The following ZNF577 variants were observed in gnomAD, a reference collection of about 807,000 sequenced individuals.
ZNF577 encodes zinc finger protein 577.
Under a neutral mutation model 13.9 loss-of-function variants are expected in ZNF577, and 14 were observed. The ratio of observed to expected loss-of-function variants is 1.00; its 90% CI spans 0.66 to 1.57. The LOEUF is 1.57. Ranked by LOEUF, ZNF577 falls within the 40% of genes most tolerant of loss-of-function variation. The pLI is 0.00. For synonymous variants in ZNF577, 203 were observed against 202.9 expected (o/e 1.00, Z 0.00); for missense variants, 555 against 579.2 (o/e 0.96, Z 0.43).
intron 8 of ZNF577, among the ~76,000 whole-genome samples, chr19:51,841,390 C>T (rs980725291): frequency 6.6e-6 from 1 of 152,150 alleles, no homozygotes; most frequent in African/African-American, 2.4e-5. Context: ...ACAGAAATTT[C>T]GCTGCTGAGG....
At chr19:51,820,553 T>A (rs2084180827) in intron 9 of ZNF577, among the ~76,000 whole-genome samples, 1 of 152,226 alleles carries the variant, frequency 6.6e-6, no homozygotes, top group Non-Finnish European at 1.5e-5. Flanking sequence ...TGTCCCCACC[T>A]GTCACTGCAC....
chr19:51,845,841 A>G (rs947777763), intron 5 of ZNF577, among the ~76,000 whole-genome samples: 1 of 152,160 alleles, frequency 6.6e-6, no homozygotes, highest in African/African-American at 2.4e-5. Flanking sequence ...TCCATTGTGT[A>G]TATATGCCAC....
At chr19:51,883,470 G>A (rs16983200) in intron 1 of ZNF577, among the ~76,000 whole-genome samples, 32,693 of 151,750 alleles carry the variant, frequency 0.22, 4,244 homozygotes, top group South Asian at 0.41. Flanking sequence ...CCAACTCCCA[G>A]TTTTTCCTTT....
In ZNF577 at chr19:51,872,461, T is replaced by G; in HGVS notation, c.*71A>C. On this transcript the variant is annotated 3_prime_UTR_variant, in exon 6 of 6. Transcript: ENST00000638348. ...GCCTCCACAGTGTTTCAGCCCTAAA[T>G]GAGCTCTCTGGGATATAATGGCTGG... 1.1e-3 allele frequency: 1,412 copies of G among 1,276,624 alleles called. No individual in the cohort carries two copies. Among genetic ancestry groups the G allele is most frequent in the Non-Finnish European group, 1.4e-3 (1,286 of 948,682 alleles). 79.1% of individuals were successfully genotyped at this position (1,276,624 alleles called of 1,614,324 possible). A position where few individuals can be genotyped will look rare whatever the true frequency, so the allele number is the denominator to read the frequency against.
intron 5 of ZNF577, among the ~76,000 whole-genome samples, chr19:51,851,369 C>A (rs1434734431): frequency 6.6e-6 from 1 of 152,138 alleles, no homozygotes; most frequent in Non-Finnish European, 1.5e-5. Flanking sequence ...ATTAATCTTA[C>A]TTTCAAATAG....
intron 5 of ZNF577, among the ~76,000 whole-genome samples, chr19:51,847,994 G>A (rs778256063): frequency 7.2e-4 from 109 of 152,138 alleles, no homozygotes; most frequent in Non-Finnish European, 1.3e-3. Context: ...ATATGGTCGC[G>A]CCCAAGCCCT....
At chr19:51,854,842 G>A (rs1034575059) in intron 5 of ZNF577, among the ~76,000 whole-genome samples, 1 of 151,480 alleles carries the variant, frequency 6.6e-6, no homozygotes, top group Non-Finnish European at 1.5e-5. Context: ...CTTTTTTTCT[G>A]TTTCACTTCT....
At chr19:51,828,911 T>C (rs1475062729) in intron 9 of ZNF577, among the ~76,000 whole-genome samples, 1 of 152,154 alleles carries the variant, frequency 6.6e-6, no homozygotes, top group African/African-American at 2.4e-5. Flanking sequence ...GCAGGTTTCA[T>C]TGTAATGAGG....
At chr19:51,873,975 G>T (rs1490934256) in intron 5 of ZNF577, among the ~76,000 whole-genome samples, 1 of 152,032 alleles carries the variant, frequency 6.6e-6, no homozygotes, top group Non-Finnish European at 1.5e-5. Flanking sequence ...GTTTTGGCTG[G>T]CTTTTATAAG....
At chr19:51,821,364 T>C (rs1318801927) in intron 9 of ZNF577, among the ~76,000 whole-genome samples, 1 of 152,122 alleles carries the variant, frequency 6.6e-6, no homozygotes, top group Non-Finnish European at 1.5e-5. Flanking sequence ...CCTTTGACAA[T>C]GTCTATAGAC....
At chr19:51,852,529 T>A (rs960492179) in intron 5 of ZNF577, among the ~76,000 whole-genome samples, 1 of 152,180 alleles carries the variant, frequency 6.6e-6, no homozygotes, top group Non-Finnish European at 1.5e-5. Context: ...ATTTTGAGGT[T>A]TATAGAGCAA....
intron 5 of ZNF577, among the ~76,000 whole-genome samples, chr19:51,847,202 G>C (rs898551354): frequency 6.6e-6 from 1 of 152,080 alleles, no homozygotes; most frequent in African/African-American, 2.4e-5. Context: ...GGTTGTACAG[G>C]TTATCATATT....
intron 9 of ZNF577, chr19:51,825,893 AGT>A (rs1599843452): frequency 1.2e-5 from 2 of 167,228 alleles, no homozygotes; most frequent in East Asian, 3.9e-4. Context: ...TAGATGAGAT[AGT>A]GTTTTTTTAG....
chr19:51,823,529 G>A (rs2084206190), intron 9 of ZNF577, among the ~76,000 whole-genome samples: 1 of 152,124 alleles, frequency 6.6e-6, no homozygotes. Context: ...AGCTTGATAG[G>A]TGGCATGCAT....
chr19:51,836,389 T>C (rs1422499316), intron 9 of ZNF577, among the ~76,000 whole-genome samples: 2 of 152,268 alleles, frequency 1.3e-5, no homozygotes, highest in African/African-American at 4.8e-5. Context: ...TTTACACTTT[T>C]TGAAATAGAT....
At chr19:51,832,278 G>A (rs1178769204) in intron 9 of ZNF577, among the ~76,000 whole-genome samples, 2 of 152,142 alleles carry the variant, frequency 1.3e-5, no homozygotes, top group Non-Finnish European at 2.9e-5. Context: ...AAAAGATACA[G>A]AGCAATGTGA....
At chr19:51,829,921 C>A (rs367602167) in intron 9 of ZNF577, among the ~76,000 whole-genome samples, 1 of 152,174 alleles carries the variant, frequency 6.6e-6, no homozygotes, top group Admixed American at 6.5e-5. Context: ...CAACTGCCCA[C>A]AAGGCCAGTG....
At position 51,852,933 on chromosome 19, in the gene ZNF577, C is replaced by CT. The variant is rs112665914; in HGVS notation, c.284-8003dup. On this transcript the variant is annotated intron_variant and NMD_transcript_variant, in intron 5 of 10. Transcript: ENST00000638827. ...GCTCTTTAAAAGACAGTTTTCTTTTCTTTTTTTTTTTCTTTGAGACAGGGT... is the reference window on the plus strand; with the variant it reads ...GCTCTTTAAAAGACAGTTTTCTTTTCTTTTTTTTTTTTCTTTGAGACAGGGT... Among the ~76,000 whole-genome samples, 521 of 143,984 alleles carry CT rather than the reference C, an allele frequency of 3.6e-3. 4 individuals carry two copies. The highest frequency in any genetic ancestry group is 9.9e-3 in the African/African-American group (384 of 38,618). 94.5% of individuals were successfully genotyped at this position (143,984 alleles called of 152,430 possible). A position where few individuals can be genotyped will look rare whatever the true frequency, so the allele number is the denominator to read the frequency against.
intron 9 of ZNF577, among the ~76,000 whole-genome samples, chr19:51,820,654 T>TA (rs2084181606): frequency 6.6e-6 from 1 of 152,208 alleles, no homozygotes; most frequent in East Asian, 1.9e-4. Context: ...TGGAGAGTGG[T>TA]AGAGAAAATC....
Sources: allele counts gnomAD v4.1 joint callset (sites outside exome capture counted in the v4.1 genomes callset), GRCh38; gene constraint gnomAD v4.1.1; transcripts MANE v1.5; gene names NCBI Gene and HGNC (gene_info 2026-07-23, HGNC 2026-07-21).